Variants in NACC2 observed in about 807,000 individuals in gnomAD.
The protein encoded by NACC2 is nucleus accumbens-associated protein 2.
NACC2 carries 8 observed loss-of-function variants against 25.1 expected under a neutral mutation model. The ratio of observed to expected loss-of-function variants is 0.32; its 90% CI spans 0.19 to 0.57. The LOEUF (loss-of-function observed/expected upper bound fraction) is 0.57. Ranked by LOEUF, NACC2 falls within the 20% of genes least tolerant of loss-of-function variation. NACC2 has a pLI of 0.89. For synonymous variants in NACC2, 435 were observed against 294.7 expected, an observed-to-expected ratio of 1.48 and a Z score of -4.88; for missense variants, 644 against 650.2, an observed-to-expected ratio of 0.99 and a Z score of 0.10.
intron 2 of NACC2, among the ~76,000 whole-genome samples, chr9:136,029,205 T>C (rs1840438608): frequency 6.6e-6 from 1 of 152,176 alleles, no homozygotes; most frequent in Admixed American, 6.5e-5. Context: ...ATGCACATCC[T>C]GCCCTCTGAA....
In NACC2 at chr9:136,050,054, C is replaced by CGCGGCG. The variant is rs1188637173; in HGVS notation, c.462_467dup (p.Ala156_Ala157dup). 1.4e-6 allele frequency: 1 copy of CGCGGCG among 722,746 alleles called. No homozygotes were observed. The highest frequency in any genetic ancestry group is 2.5e-6 in the Non-Finnish European group (1 of 396,346). 44.8% of individuals were successfully genotyped at this position (722,746 alleles called of 1,614,324 possible). ...CCGAGGGGGACACGACGTAGGGGGCCGCGGCGGCGGCGGCCGGCTGCAGCT... is the reference window on the plus strand; with the variant it reads ...CCGAGGGGGACACGACGTAGGGGGCCGCGGCGGCGGCGGCGGCGGCCGGCTGCAGCT... On this transcript the variant is annotated inframe_insertion, in exon 2 of 6. Transcript: ENST00000277554.
At chr9:136,058,916 C>G (rs923977866) in intron 1 of NACC2, among the ~76,000 whole-genome samples, 1 of 152,212 alleles carries the variant, frequency 6.6e-6, no homozygotes, top group Non-Finnish European at 1.5e-5. Flanking sequence ...CCACCCCACC[C>G]CAGTGGATAG....
intron 1 of NACC2, among the ~76,000 whole-genome samples, chr9:136,056,916 C>T (rs1840932975): frequency 6.6e-6 from 1 of 152,228 alleles, no homozygotes; most frequent in Admixed American, 6.5e-5. Context: ...TCCACAATTC[C>T]GTGTATCAGC....
At chr9:136,050,892 G>A (rs1333017355) in intron 1 of NACC2, among the ~76,000 whole-genome samples, 3 of 152,114 alleles carry the variant, frequency 2.0e-5, no homozygotes, top group South Asian at 2.1e-4. Flanking sequence ...GAGGAGGAGC[G>A]CAGGCCTGAA....
At chr9:136,040,018 G>C (rs1015499779) in intron 2 of NACC2, among the ~76,000 whole-genome samples, 30 of 152,274 alleles carry the variant, frequency 2.0e-4, no homozygotes, top group African/African-American at 6.7e-4. Context: ...AAGGTAGCAA[G>C]GTTGTAGAAT....
rs1401168039 is a variant in NACC2 at position 136,021,573 on chromosome 9, C to A, written c.887-5144G>T. ...GTGGCTTCTTGTCAAGTTCAACATACACTTATGACCCAGCAATTATACTTC... is the reference window on the plus strand; with the variant it reads ...GTGGCTTCTTGTCAAGTTCAACATAAACTTATGACCCAGCAATTATACTTC... On this transcript the variant is annotated intron_variant, in intron 2 of 5. Coordinates refer to ENST00000277554, the MANE Select transcript of NACC2 (RefSeq NM_144653.5). Among the ~76,000 whole-genome samples the A allele has an allele frequency of 2.6e-5, 4 of 152,324 alleles. No individual in the cohort carries two copies. In the East Asian group the frequency reaches 7.7e-4, roughly 29 times the overall value.
At chr9:136,025,198 C>A (rs1440473137) in intron 2 of NACC2, among the ~76,000 whole-genome samples, 1 of 152,150 alleles carries the variant, frequency 6.6e-6, no homozygotes, top group Non-Finnish European at 1.5e-5. Context: ...AGAAGCACAC[C>A]GGCCTTGGAG....
intron 1 of NACC2, among the ~76,000 whole-genome samples, chr9:136,094,887 C>G (rs1339430500): frequency 2.0e-5 from 3 of 150,488 alleles, no homozygotes; most frequent in Admixed American, 6.6e-5. Flanking sequence ...CCGGGACGCC[C>G]GGAGCCGGGG....
chr9:136,032,361 T>A (rs1840487267), intron 2 of NACC2, among the ~76,000 whole-genome samples: 1 of 152,162 alleles, frequency 6.6e-6, no homozygotes, highest in Non-Finnish European at 1.5e-5. Context: ...AAAGCTTTTG[T>A]TACAATGCAA....
intron 2 of NACC2, among the ~76,000 whole-genome samples, chr9:136,039,894 C>T (rs1050474559): frequency 2.0e-5 from 3 of 151,532 alleles, no homozygotes; most frequent in African/African-American, 7.3e-5. Context: ...GAGTGGAGAT[C>T]CAGAAATACA....
chr9:136,049,048 G>A (rs1294982367), intron 2 of NACC2, among the ~76,000 whole-genome samples: 1 of 152,228 alleles, frequency 6.6e-6, no homozygotes, highest in Non-Finnish European at 1.5e-5. Context: ...ACAGTCTCCA[G>A]AGGCTGTAAC....
intron 1 of NACC2, among the ~76,000 whole-genome samples, chr9:136,085,481 T>C (rs1283769669): frequency 6.6e-6 from 1 of 150,668 alleles, no homozygotes; most frequent in Non-Finnish European, 1.5e-5. Context: ...CACTCCAGCC[T>C]GGGCGACAGA....
intron 2 of NACC2, among the ~76,000 whole-genome samples, chr9:136,033,384 C>T (rs1304103835): frequency 1.3e-5 from 2 of 151,978 alleles, no homozygotes; most frequent in Non-Finnish European, 2.9e-5. Context: ...TGGCTCACGC[C>T]TGTAATCCCA....
chr9:136,076,519 A>G (rs1002807350), intron 1 of NACC2, among the ~76,000 whole-genome samples: 4 of 152,196 alleles, frequency 2.6e-5, no homozygotes, highest in Non-Finnish European at 2.9e-5. Context: ...AGCAGAACGG[A>G]GGTTTCCAGG....
intron 1 of NACC2, among the ~76,000 whole-genome samples, chr9:136,058,694 G>C (rs1331639494): frequency 1.3e-5 from 2 of 152,216 alleles, no homozygotes; most frequent in African/African-American, 2.4e-5. Flanking sequence ...CATGCACCCA[G>C]GTGACAAACC....
chr9:136,021,155 A>C (rs1031137070), intron 2 of NACC2, among the ~76,000 whole-genome samples: 1 of 152,248 alleles, frequency 6.6e-6, no homozygotes, highest in African/African-American at 2.4e-5. Context: ...TTGTATCTAA[A>C]AAATATAAAG....
chr9:136,089,490 C>T (rs1385840488), intron 1 of NACC2, among the ~76,000 whole-genome samples: 1 of 151,966 alleles, frequency 6.6e-6, no homozygotes, highest in Non-Finnish European at 1.5e-5. Context: ...CCCCCCACAA[C>T]CCCACCTGGT....
chr9:136,048,921 C>T (rs1021123661), intron 2 of NACC2, among the ~76,000 whole-genome samples: 100 of 152,354 alleles, frequency 6.6e-4, no homozygotes, highest in African/African-American at 2.1e-3. Context: ...AGGCCCAGGC[C>T]GCTGCACACA....
intron 1 of NACC2, among the ~76,000 whole-genome samples, chr9:136,052,203 T>C (rs1407303446): frequency 2.6e-5 from 4 of 152,150 alleles, no homozygotes; most frequent in African/African-American, 7.2e-5. Context: ...CTCACTGCAA[T>C]GCAAACAAAG....
Sources: allele counts gnomAD v4.1 joint callset (sites outside exome capture counted in the v4.1 genomes callset), GRCh38; gene constraint gnomAD v4.1.1; transcripts MANE v1.5; gene names NCBI Gene and HGNC (gene_info 2026-07-23, HGNC 2026-07-21).